Variants in ARHGAP28 observed in about 807,000 individuals in gnomAD.
ARHGAP28 encodes the protein rho GTPase-activating protein 28.
Under a neutral mutation model 90.7 loss-of-function variants are expected in ARHGAP28, and 56 were observed. The ratio of observed to expected loss-of-function variants is 0.62; its 90% CI spans 0.50 to 0.77. ARHGAP28 has a LOEUF of 0.77. ARHGAP28 is among the 30% of genes least tolerant of loss of function. The pLI is 0.00. For missense variants in ARHGAP28, 869 were observed against 900.9 expected, an observed-to-expected ratio of 0.96 and a Z score of 0.45; for synonymous variants, 308 against 323.3, an observed-to-expected ratio of 0.95 and a Z score of 0.51.
Position 6,843,530 on chromosome 18 carries a change from T to G in ARHGAP28, c.543+6116T>G, listed in dbSNP as rs7506723. Reference sequence around the variant, plus strand: ...AAACCATTCCTGCCTGATTTTTATCTGCCAGGAACTTCCAACAATTTCTGT... The same window carrying G: ...AAACCATTCCTGCCTGATTTTTATCGGCCAGGAACTTCCAACAATTTCTGT... On this transcript the variant is annotated intron_variant, in intron 3 of 17. Transcript: ENST00000383472. Among the ~76,000 whole-genome samples the G allele has an allele frequency of 0.021, 3,205 of 152,304 alleles. 243 individuals carry two copies. The East Asian group carries it at 0.28, about 13-fold the overall frequency.
intron 1 of ARHGAP28, among the ~76,000 whole-genome samples, chr18:6,741,517 A>G (rs2055976986): frequency 6.6e-6 from 1 of 152,192 alleles, no homozygotes; most frequent in Admixed American, 6.5e-5. Flanking sequence ...CTAAAATAAC[A>G]TGAGTCATTG....
intron 3 of ARHGAP28, among the ~76,000 whole-genome samples, chr18:6,839,455 G>A (rs758796463): frequency 3.3e-5 from 5 of 152,030 alleles, no homozygotes; most frequent in Non-Finnish European, 5.9e-5. Context: ...CACCACGCCT[G>A]GCTAATTTTG....
intron 1 of ARHGAP28, among the ~76,000 whole-genome samples, chr18:6,780,505 A>G (rs2056315747): frequency 6.6e-6 from 1 of 152,020 alleles, no homozygotes; most frequent in Non-Finnish European, 1.5e-5. Context: ...GGAATTTGGT[A>G]TTAGTTGTGG....
At chr18:6,841,222 T>TCTCTCTCTCTCTCTCTCC (rs1555631541) in intron 3 of ARHGAP28, among the ~76,000 whole-genome samples, 1 of 100,104 alleles carries the variant, frequency 1.0e-5, no homozygotes, top group Non-Finnish European at 2.0e-5. Flanking sequence ...TCTCTCTCTC[T>TCTCTCTCTCTCTCTCTCC]CCCCCCAACC....
intron 17 of ARHGAP28, 39 bp from the exon 18 acceptor site, chr18:6,912,020 CA>C: frequency 7.2e-7 from 1 of 1,397,598 alleles, no homozygotes; most frequent in South Asian, 1.2e-5. Flanking sequence ...CACACACACA[CA>C]AATGTACACT....
At chr18:6,876,318 T>C (rs1341165327) in intron 10 of ARHGAP28, 110 bp downstream of exon 10, 2 of 784,850 alleles carry the variant, frequency 2.5e-6, no homozygotes, top group Admixed American at 4.2e-5. Context: ...TATTATCACT[T>C]GGTCCTTCCT....
intron 13 of ARHGAP28, 130 bp downstream of exon 13, chr18:6,890,215 C>G: frequency 9.9e-7 from 1 of 1,007,670 alleles, no homozygotes; most frequent in South Asian, 1.6e-5. Flanking sequence ...GTGGCTGTGA[C>G]AGCCTTACAC....
chr18:6,853,074 C>T (rs891317543), intron 4 of ARHGAP28, among the ~76,000 whole-genome samples: 7 of 152,128 alleles, frequency 4.6e-5, no homozygotes, highest in Non-Finnish European at 8.8e-5. Context: ...CCCTGTTCCT[C>T]ATTCTGAGCA....
At chr18:6,883,126 C>T (rs1432921328) in intron 11 of ARHGAP28, among the ~76,000 whole-genome samples, 1 of 152,144 alleles carries the variant, frequency 6.6e-6, no homozygotes, top group African/African-American at 2.4e-5. Context: ...AGGACACACC[C>T]CATCTAGAGA....
chr18:6,780,553 G>A (rs915908591), intron 1 of ARHGAP28, among the ~76,000 whole-genome samples: 3 of 152,022 alleles, frequency 2.0e-5, no homozygotes, highest in African/African-American at 7.3e-5. Context: ...GATGCTGAGG[G>A]ATGCCTGTAT....
intron 1 of ARHGAP28, among the ~76,000 whole-genome samples, chr18:6,735,603 G>A (rs1194921155): frequency 1.3e-5 from 2 of 150,836 alleles, no homozygotes; most frequent in African/African-American, 2.4e-5. Context: ...CATCCAGGCT[G>A]GAGTGTAGTG....
Position 6,729,934 on chromosome 18 carries a change from C to A in ARHGAP28, c.113C>A (p.Pro38Gln). 3 of 1,381,200 alleles carry A rather than the reference C, an allele frequency of 2.2e-6. No individual in the cohort carries two copies. Among genetic ancestry groups the A allele is most frequent in the South Asian group, 3.3e-5 (2 of 59,938 alleles). 85.6% of individuals were successfully genotyped at this position (1,381,200 alleles called of 1,614,324 possible). A position where few individuals can be genotyped will look rare whatever the true frequency, so the allele number is the denominator to read the frequency against. ...RCAPRAAASH[P>Q]LSRKSIPRCR... ...GCGCCCCGCGCCGCAGCCAGCCACC[C>A]GCTCAGCAGGTACCCGGAGCCGCTC... Residue 38 changes from proline to glutamine, a missense_variant, in exon 1 of 18, where the codon CCG (proline) becomes CAG (glutamine). Coordinates refer to ENST00000383472, the MANE Select transcript of ARHGAP28 (RefSeq NM_001366230.1).
chr18:6,776,767 G>A (rs1184080891), intron 1 of ARHGAP28, among the ~76,000 whole-genome samples: 1 of 152,134 alleles, frequency 6.6e-6, no homozygotes, highest in East Asian at 1.9e-4. Context: ...GTCGGTGGTA[G>A]ATCGGAGATT....
At chr18:6,770,797 G>A (rs2056236527) in intron 1 of ARHGAP28, among the ~76,000 whole-genome samples, 1 of 151,968 alleles carries the variant, frequency 6.6e-6, no homozygotes, top group Admixed American at 6.6e-5. Context: ...TGGGGGGTGG[G>A]GAGCCATATT....
chr18:6,899,191 C>A (rs1238295274), intron 16 of ARHGAP28, among the ~76,000 whole-genome samples: 2 of 152,088 alleles, frequency 1.3e-5, no homozygotes, highest in Non-Finnish European at 2.9e-5. Flanking sequence ...ACTCAGACCC[C>A]CGTGTGTTTA....
intron 1 of ARHGAP28, among the ~76,000 whole-genome samples, chr18:6,757,022 G>A (rs146765257): frequency 2.8e-4 from 43 of 152,222 alleles, no homozygotes; most frequent in African/African-American, 1.0e-3. Flanking sequence ...CCTCACAGAC[G>A]CACCAGGAAA....
intron 14 of ARHGAP28, among the ~76,000 whole-genome samples, chr18:6,891,227 G>A (rs1251464977): frequency 6.6e-6 from 1 of 152,196 alleles, no homozygotes; most frequent in African/African-American, 2.4e-5. Flanking sequence ...CACCAGGCCA[G>A]CTGTGCCAGG....
chr18:6,761,346 C>G (rs1206736873), intron 1 of ARHGAP28, among the ~76,000 whole-genome samples: 2 of 152,156 alleles, frequency 1.3e-5, no homozygotes, highest in Non-Finnish European at 2.9e-5. Context: ...TTTTTAAAGG[C>G]ATGTGCATTA....
chr18:6,759,112 TCAC>T (rs2056137394), intron 1 of ARHGAP28, among the ~76,000 whole-genome samples: 1 of 152,232 alleles, frequency 6.6e-6, no homozygotes. Context: ...AGGCATTATT[TCAC>T]CGTTGATACC....
Sources: allele counts gnomAD v4.1 joint callset (sites outside exome capture counted in the v4.1 genomes callset), GRCh38; gene constraint gnomAD v4.1.1; transcripts MANE v1.5; gene names NCBI Gene and HGNC (gene_info 2026-07-23, HGNC 2026-07-21).